The following CRB1 variants were observed in gnomAD, a reference collection of about 807,000 sequenced individuals.
CRB1 encodes protein crumbs homolog 1.
Under a neutral mutation model 120.0 loss-of-function variants are expected in CRB1, and 83 were observed. That is an observed-to-expected ratio of 0.69 (90% CI 0.58 to 0.83). CRB1 has a LOEUF of 0.83. Among genes scored for constraint, CRB1 ranks in the 40% least tolerant of loss-of-function variants. The probability of loss-of-function intolerance (pLI) is 0.00; values close to 1 mark genes in which losing one functional copy is unlikely to be tolerated. For synonymous variants in CRB1, 625 were observed against 612.5 expected (o/e 1.02, Z -0.30); for missense variants, 1,699 against 1,687.6 (o/e 1.01, Z -0.12).
At chr1:197,219,778 T>C in the CRB1 span, among the ~76,000 whole-genome samples, 131,347 of 152,208 alleles carry the variant, frequency 0.86, 57,119 homozygotes, top group East Asian at 1. Flanking sequence ...TTATACTATG[T>C]TTCCCTCTCT....
intron 11 of CRB1, among the ~76,000 whole-genome samples, chr1:197,453,364 ATAAT>A (rs1666066330): frequency 6.8e-6 from 1 of 147,556 alleles, no homozygotes; most frequent in African/African-American, 2.5e-5. Flanking sequence ...ATTAATATAC[ATAAT>A]TAAATTATAT....
chr1:197,427,490 C>T lies in CRB1; in HGVS notation c.2165C>T (p.Thr722Ile), dbSNP rs375056993. ...VAGRFGQDDS[T>I]GYVIFTLDES... ...GGCAGATTTGGCCAGGATGACTCCA[C>T]TGGTTATGTCATCTTTACTCTTGAT... Residue 722 changes from threonine (T) to isoleucine (I), a missense_variant, in exon 7 of 12, where the codon ACT (threonine) becomes ATT (isoleucine). Transcript: ENST00000367400. 6.2e-6 allele frequency: 10 copies of T among 1,613,784 alleles called. No individual in the cohort carries two copies. Among genetic ancestry groups the T allele is most frequent in the African/African-American group, 2.7e-5 (2 of 74,870 alleles).
intron 11 of CRB1, among the ~76,000 whole-genome samples, chr1:197,452,842 T>C (rs1346946314): frequency 6.6e-6 from 1 of 152,182 alleles, no homozygotes; most frequent in Non-Finnish European, 1.5e-5. Context: ...AATAGAACTA[T>C]CATATAATTT....
intron 5 of CRB1, among the ~76,000 whole-genome samples, chr1:197,394,751 T>G (rs1662688213): frequency 6.6e-6 from 1 of 152,088 alleles, no homozygotes; most frequent in Non-Finnish European, 1.5e-5. Flanking sequence ...GGACACTATT[T>G]CTGTTTAATG....
intron 1 of CRB1, among the ~76,000 whole-genome samples, chr1:197,310,722 C>T (rs748097267): frequency 4.6e-5 from 7 of 151,986 alleles, no homozygotes; most frequent in Admixed American, 2.0e-4. Flanking sequence ...CTATCTGGTT[C>T]ACCTGATAAC....
At chr1:197,282,194 T>C (rs1254986684) in intron 1 of CRB1, among the ~76,000 whole-genome samples, 1 of 151,732 alleles carries the variant, frequency 6.6e-6, no homozygotes, top group African/African-American at 2.4e-5. Context: ...AATGTATTTG[T>C]TAGTTGTTTT....
chr1:197,432,550 G>C (rs1041231598), intron 8 of CRB1, among the ~76,000 whole-genome samples: 2 of 152,028 alleles, frequency 1.3e-5, no homozygotes, highest in African/African-American at 4.8e-5. Flanking sequence ...TTTTCATAGA[G>C]TATTCATTTA....
intron 1 of CRB1, among the ~76,000 whole-genome samples, chr1:197,276,605 A>G (rs766746131): frequency 6.6e-6 from 1 of 151,934 alleles, no homozygotes; most frequent in Admixed American, 6.6e-5. Flanking sequence ...GCAAAAGATG[A>G]GTAACAGAGA....
chr1:197,334,396 A>G lies in CRB1; in HGVS notation c.652+5393A>G, dbSNP rs1445944782. Among the ~76,000 whole-genome samples the G allele has an allele frequency of 2.6e-5, 4 of 152,312 alleles. No individual in the cohort carries two copies. The East Asian group carries it at 5.8e-4, about 22-fold the overall frequency. On this transcript the variant is annotated intron_variant, in intron 2 of 11. Coordinates refer to ENST00000367400, the MANE Select transcript of CRB1 (RefSeq NM_201253.3). ...GTGTTGGAGACATAATCACCAATGC[A>G]ATAGTATTGGGAGGTGGGAACTAAG...
chr1:197,462,032 G>A (rs1021138565), intron 11 of CRB1, among the ~76,000 whole-genome samples: 4 of 152,236 alleles, frequency 2.6e-5, no homozygotes, highest in Non-Finnish European at 4.4e-5. Flanking sequence ...CGGAGGACAT[G>A]CCTATTAGAA....
the CRB1 span, among the ~76,000 whole-genome samples, chr1:197,236,859 C>T: frequency 1.3e-5 from 2 of 152,012 alleles, no homozygotes; most frequent in African/African-American, 4.8e-5. Context: ...AAATAAATCT[C>T]ATTTTGTTGT....
At chr1:197,408,425 A>G (rs1035817663) in intron 5 of CRB1, among the ~76,000 whole-genome samples, 7 of 152,202 alleles carry the variant, frequency 4.6e-5, no homozygotes, top group African/African-American at 1.7e-4. Flanking sequence ...GCAGTAAGCA[A>G]TGGGAAATAA....
rs182801151 is a variant in CRB1 at position 197,274,311 on chromosome 1, T to C, written c.70+5829T>C. 5.9e-5 allele frequency among the ~76,000 whole-genome samples: 9 copies of C among 152,194 alleles called. No homozygotes were observed. In the East Asian group the frequency reaches 1.7e-3, roughly 29 times the overall value. ...AGTACTTATAGCTGTTTCATTTTGT[T>C]TTTAGTTTTTCAGAATCCACTTGTT... On this transcript the variant is annotated intron_variant, in intron 1 of 11. Coordinates refer to ENST00000367400, the MANE Select transcript of CRB1 (RefSeq NM_201253.3).
intron 5 of CRB1, among the ~76,000 whole-genome samples, chr1:197,395,252 T>C (rs1662713800): frequency 6.6e-6 from 1 of 152,174 alleles, no homozygotes; most frequent in Non-Finnish European, 1.5e-5. Flanking sequence ...CCCAAGATTA[T>C]TGAGAGTGAG....
intron 2 of CRB1, among the ~76,000 whole-genome samples, chr1:197,338,459 T>A (rs1004845917): frequency 1.3e-5 from 2 of 152,102 alleles, no homozygotes; most frequent in Non-Finnish European, 2.9e-5. Context: ...GTAGGAGAAT[T>A]TCCTCCCAAT....
At chr1:197,306,422 A>T (rs1657179053) in intron 1 of CRB1, among the ~76,000 whole-genome samples, 1 of 152,200 alleles carries the variant, frequency 6.6e-6, no homozygotes. Flanking sequence ...CCTGTCCTAA[A>T]TTTTGGGTTT....
chr1:197,252,250 A>ATAGAATATTATT, the CRB1 span, among the ~76,000 whole-genome samples: 1 of 151,712 alleles, frequency 6.6e-6, no homozygotes, highest in African/African-American at 2.4e-5. Flanking sequence ...TAATTTTTGC[A>ATAGAATATTATT]TGTCATAGAA....
chr1:197,231,317 A>G, the CRB1 span, among the ~76,000 whole-genome samples: 2 of 152,102 alleles, frequency 1.3e-5, no homozygotes, highest in East Asian at 3.9e-4. Context: ...TATTTTTGAT[A>G]TTTTTCATAA....
the CRB1 span, among the ~76,000 whole-genome samples, chr1:197,208,793 A>G: frequency 6.6e-6 from 1 of 152,212 alleles, no homozygotes; most frequent in East Asian, 1.9e-4. Context: ...TAGAGCTCCC[A>G]AAGAACTATG....
Sources: allele counts gnomAD v4.1 joint callset (sites outside exome capture counted in the v4.1 genomes callset), GRCh38; gene constraint gnomAD v4.1.1; transcripts MANE v1.5; gene names NCBI Gene and HGNC (gene_info 2026-07-23, HGNC 2026-07-21).